The following CCDC13 variants were observed in gnomAD, a reference collection of about 807,000 sequenced individuals.
The protein encoded by CCDC13 is coiled-coil domain containing 13, also known as coiled-coil domain-containing protein 13.
In CCDC13, 70 loss-of-function variants were observed where a neutral mutation model predicts 87.3. The observed-to-expected ratio is 0.80, with a 90% confidence interval of 0.66 to 0.98. The LOEUF is 0.98. Among genes scored for constraint, CCDC13 ranks in the 50% least tolerant of loss-of-function variants. The pLI, the probability that CCDC13 is intolerant of heterozygous loss-of-function variation, is 0.00. For missense variants in CCDC13, 842 were observed against 892.0 expected, an observed-to-expected ratio of 0.94 and a Z score of 0.71; for synonymous variants, 317 against 360.3, an observed-to-expected ratio of 0.88 and a Z score of 1.36.
At chr3:42,769,191 A>T (rs904217313) in intron 1 of CCDC13, among the ~76,000 whole-genome samples, 1 of 152,224 alleles carries the variant, frequency 6.6e-6, no homozygotes, top group Admixed American at 6.5e-5. Context: ...ACTCCTCAAC[A>T]AAAAAGAAAT....
rs57780787 is a variant in CCDC13, at chr3:42,709,695, C to T, written c.1977G>A (p.Glu659=). The part of the protein sequence containing the change: ...SDVPVESQME[E]LTTRLAIQVE... ...GGGCAGGGGAGCACCTGGTTGTCAG[C>T]TCTTCCATTTGGGATTCCACGGGCA... is the stretch of plus-strand genomic sequence containing the variant. The change falls in exon 15 of 16, where the codon GAG becomes GAA. Residue 659 remains glutamate (E), a synonymous_variant. Coordinates refer to ENST00000310232, the MANE Select transcript of CCDC13 (RefSeq NM_144719.4). 8,510 of 1,613,954 alleles carry T rather than the reference C, an allele frequency of 5.3e-3. 150 individuals carry two copies. In the East Asian group the frequency reaches 0.058, roughly 11 times the overall value.
intron 1 of CCDC13, among the ~76,000 whole-genome samples, chr3:42,763,116 A>G (rs4488806): frequency 0.18 from 26,688 of 152,246 alleles, 2,506 homozygotes; most frequent in South Asian, 0.26. Context: ...AGTGATGAAC[A>G]GAAAGCACAA....
intron 5 of CCDC13, chr3:42,749,762 T>C (rs949973338): frequency 1.3e-5 from 5 of 399,406 alleles, no homozygotes; most frequent in Admixed American, 1.1e-4. Flanking sequence ...CTGTTTTCTT[T>C]GAGAAAATAA....
chr3:42,758,062 T>TAC (rs3076826), intron 2 of CCDC13, 63 bp downstream of exon 2: 211,976 of 983,988 alleles, frequency 0.22, 5,883 homozygotes, highest in East Asian at 0.35. Context: ...GCTCCGGTGG[T>TAC]ACACACACAC....
Position 42,708,690 on chromosome 3 carries a change from G to A in CCDC13, c.*290C>T. ...GAGGGACTGCATCTGTCCATTCACA[G>A]CCGCCTTGCCATCCCAGAGCTCTCG... On this transcript the variant is annotated 3_prime_UTR_variant, in exon 16 of 16. Coordinates refer to ENST00000310232, the MANE Select transcript of CCDC13 (RefSeq NM_144719.4). 3.0e-6 allele frequency: 1 copy of A among 328,078 alleles called. No individual in the cohort carries two copies. The allele number at this position is 328,078 out of a possible 1,614,324, so 20.3% of individuals were successfully genotyped here.
intron 13 of CCDC13, among the ~76,000 whole-genome samples, chr3:42,715,480 C>A (rs143655017): frequency 2.0e-5 from 3 of 151,932 alleles, no homozygotes; most frequent in African/African-American, 7.3e-5. Context: ...GGCACGGTGG[C>A]GTGTGCTTGT....
At chr3:42,718,804 C>T (rs1019814044) in intron 13 of CCDC13, among the ~76,000 whole-genome samples, 1 of 152,062 alleles carries the variant, frequency 6.6e-6, no homozygotes, top group Non-Finnish European at 1.5e-5. Flanking sequence ...CTGAGGAGAA[C>T]CCCCCAACCC....
intron 13 of CCDC13, among the ~76,000 whole-genome samples, chr3:42,729,540 C>T (rs994853531): frequency 2.6e-5 from 4 of 152,162 alleles, no homozygotes; most frequent in African/African-American, 9.7e-5. Flanking sequence ...TCAGAGTGCC[C>T]TCACATGTGG....
At chr3:42,710,694 G>C (rs1377781656) in intron 14 of CCDC13, among the ~76,000 whole-genome samples, 2 of 152,084 alleles carry the variant, frequency 1.3e-5, no homozygotes, top group Non-Finnish European at 2.9e-5. Flanking sequence ...AATTAGCCAG[G>C]CATGGAGGCA....
chr3:42,763,503 CTTTTTTTTT>C (rs765712843), intron 1 of CCDC13, among the ~76,000 whole-genome samples: 1 of 130,030 alleles, frequency 7.7e-6, no homozygotes, highest in Non-Finnish European at 1.7e-5. Flanking sequence ...AAGAGATGTA[CTTTTTTTTT>C]TTTTTTTTTT....
intron 8 of CCDC13, among the ~76,000 whole-genome samples, chr3:42,740,588 A>G (rs750565562): frequency 3.3e-5 from 5 of 152,246 alleles, no homozygotes; most frequent in Non-Finnish European, 7.3e-5. Flanking sequence ...CTAATTTGAA[A>G]GTAGGAAACA....
chr3:42,712,277 C>A (rs1698329210), intron 14 of CCDC13, among the ~76,000 whole-genome samples: 1 of 151,604 alleles, frequency 6.6e-6, no homozygotes, highest in East Asian at 2.0e-4. Flanking sequence ...CTGGAGGGGG[C>A]TGGGATGGGT....
intron 4 of CCDC13, 94 bp from the exon 5 acceptor site, chr3:42,752,119 T>C: frequency 9.2e-7 from 1 of 1,086,630 alleles, no homozygotes; most frequent in South Asian, 1.3e-5. Flanking sequence ...GTTACCTATC[T>C]TGGTGGTGTG....
intron 8 of CCDC13, among the ~76,000 whole-genome samples, chr3:42,740,452 G>T (rs1396113884): frequency 3.3e-5 from 5 of 152,194 alleles, no homozygotes; most frequent in Non-Finnish European, 7.3e-5. Context: ...ATGGTTTCCT[G>T]AGGGCCTACT....
intron 9 of CCDC13, 91 bp downstream of exon 9, chr3:42,739,543 G>T: frequency 7.3e-7 from 1 of 1,374,406 alleles, no homozygotes; most frequent in Non-Finnish European, 9.9e-7. Context: ...GGCATTGAGG[G>T]GTGAGTGAGG....
Position 42,752,823 on chromosome 3 carries a change from C to T in CCDC13, c.371-106G>A, listed in dbSNP as rs999712050. On this transcript the variant is annotated intron_variant, in intron 3 of 15. Coordinates refer to ENST00000310232, the MANE Select transcript of CCDC13 (RefSeq NM_144719.4). Reference sequence around the variant, plus strand: ...GGTCTTAAAAGCTAAAGCTGCTTGGCATGAATGCTCATAAAGGGGCACTAA... The same window carrying T: ...GGTCTTAAAAGCTAAAGCTGCTTGGTATGAATGCTCATAAAGGGGCACTAA... The T allele has an allele frequency of 7.3e-6, 10 of 1,376,488 alleles. No homozygotes were observed. In the African/African-American group the frequency reaches 1.3e-4, roughly 18 times the overall value. The allele number at this position is 1,376,488 out of a possible 1,614,324, so 85.3% of individuals were successfully genotyped here.
intron 3 of CCDC13, among the ~76,000 whole-genome samples, chr3:42,755,410 C>T (rs1373041944): frequency 2.6e-5 from 4 of 152,120 alleles, no homozygotes; most frequent in African/African-American, 9.7e-5. Flanking sequence ...AGTTCGAGAC[C>T]AGACTAGCCA....
At chr3:42,747,940 G>A (rs1269032745) in intron 5 of CCDC13, among the ~76,000 whole-genome samples, 3 of 152,184 alleles carry the variant, frequency 2.0e-5, no homozygotes, top group Admixed American at 1.3e-4. Context: ...TGACAGCTGA[G>A]GGGCCTTGGG....
chr3:42,749,745 C>T, intron 5 of CCDC13: 1 of 390,980 alleles, frequency 2.6e-6, no homozygotes, highest in South Asian at 1.9e-5. Context: ...CCCTCCCCTA[C>T]CCGAGGCTGT....
Sources: allele counts gnomAD v4.1 joint callset (sites outside exome capture counted in the v4.1 genomes callset), GRCh38; gene constraint gnomAD v4.1.1; transcripts MANE v1.5; gene names NCBI Gene and HGNC (gene_info 2026-07-23, HGNC 2026-07-21).